IGSF11: variants seen among roughly 807,000 people sequenced by gnomAD.
IGSF11 encodes CXADR like 1.
A neutral mutation model predicts 41.0 loss-of-function variants in IGSF11; 22 were observed. That is an observed-to-expected ratio of 0.54 (90% CI 0.38 to 0.77). The LOEUF (loss-of-function observed/expected upper bound fraction) is 0.77, where lower values mean the gene tolerates loss of function less well. Among genes scored for constraint, IGSF11 ranks in the 30% least tolerant of loss-of-function variants. The pLI, the probability that IGSF11 is intolerant of heterozygous loss-of-function variation, is 0.00. For synonymous variants in IGSF11, 219 were observed against 201.3 expected, an observed-to-expected ratio of 1.09 and a Z score of -0.74; for missense variants, 444 against 530.8, an observed-to-expected ratio of 0.84 and a Z score of 1.61.
intron 1 of IGSF11, 136 bp downstream of exon 1, chr3:119,034,395 G>C (rs1940724307): frequency 3.4e-6 from 3 of 880,228 alleles, no homozygotes; most frequent in East Asian, 3.3e-5. Context: ...CCGCAGCAAC[G>C]AACGCCGCCC....
intron 1 of IGSF11, among the ~76,000 whole-genome samples, chr3:119,135,085 G>T (rs1468522407): frequency 6.6e-6 from 1 of 152,184 alleles, no homozygotes; most frequent in Non-Finnish European, 1.5e-5. Flanking sequence ...AGACTTAAAT[G>T]TAAGATCTAA....
chr3:119,052,121 C>G (rs145913346), intron 1 of IGSF11, among the ~76,000 whole-genome samples: 2,098 of 152,026 alleles, frequency 0.014, 37 homozygotes, highest in African/African-American at 0.048. Context: ...AAAGAAATAA[C>G]AAATATCAGA....
intron 1 of IGSF11, among the ~76,000 whole-genome samples, chr3:119,017,039 C>CAAAAAAAAAAAAAAAAAAAAAAAAAAA: frequency 2.3e-5 from 2 of 88,320 alleles, no homozygotes; most frequent in Non-Finnish European, 5.0e-5. Flanking sequence ...GGACGCAGGA[C>CAAAAAAAAAAAAAAAAAAAAAAAAAAA]AAAAAAAAAA....
chr3:119,119,288 A>G (rs1249659795), intron 1 of IGSF11, among the ~76,000 whole-genome samples: 1 of 152,210 alleles, frequency 6.6e-6, no homozygotes, highest in Admixed American at 6.5e-5. Context: ...GGGAAGCCTC[A>G]CAATCATGGA....
At chr3:118,933,801 G>C (rs554065866) in intron 1 of IGSF11, among the ~76,000 whole-genome samples, 1 of 152,200 alleles carries the variant, frequency 6.6e-6, no homozygotes, top group African/African-American at 2.4e-5. Context: ...ACGTAAAGGA[G>C]TTAGAAACTC....
At chr3:119,070,780 T>C (rs1161145754) in intron 1 of IGSF11, among the ~76,000 whole-genome samples, 2 of 152,162 alleles carry the variant, frequency 1.3e-5, no homozygotes, top group African/African-American at 2.4e-5. Context: ...TTTCTCTCCA[T>C]GTCTATACTG....
At chr3:118,955,255 T>C (rs192126525) in intron 1 of IGSF11, among the ~76,000 whole-genome samples, 35 of 120,890 alleles carry the variant, frequency 2.9e-4, no homozygotes, top group East Asian at 4.6e-4. Flanking sequence ...CACACACACA[T>C]ACACACACAC....
In IGSF11 at chr3:119,117,197, CA is replaced by C. The variant is rs759966280; in HGVS notation, c.-13-11993del. ...GGTCAAAACACAAACTGGAAGTTAT[CA>C]AAAAAAAAAAAACTACTCAATCTTG... is the stretch of plus-strand genomic sequence containing the variant. On this transcript the variant is annotated intron_variant, in intron 1 of 7. Transcript: ENST00000425327. 1.5e-3 allele frequency among the ~76,000 whole-genome samples: 205 copies of C among 135,422 alleles called. 1 individual carries two copies. Among genetic ancestry groups the C allele is most frequent in the Non-Finnish European group, 2.3e-3 (143 of 62,222 alleles). 88.8% of individuals were successfully genotyped at this position (135,422 alleles called of 152,430 possible). A position where few individuals can be genotyped will look rare whatever the true frequency, so the allele number is the denominator to read the frequency against.
intron 1 of IGSF11, among the ~76,000 whole-genome samples, chr3:119,004,769 G>A (rs1041228824): frequency 8.7e-5 from 13 of 150,156 alleles, no homozygotes; most frequent in East Asian, 3.9e-4. Flanking sequence ...GTAGTTGAGC[G>A]GCTTTGAGTG....
chr3:119,113,576 C>T (rs1037063184), intron 1 of IGSF11, among the ~76,000 whole-genome samples: 1 of 152,234 alleles, frequency 6.6e-6, no homozygotes, highest in African/African-American at 2.4e-5. Context: ...GGCAGCTCCA[C>T]CCCTGTGGCT....
chr3:119,112,795 A>C (rs2077199505), intron 1 of IGSF11: 1 of 152,266 alleles, frequency 6.6e-6, no homozygotes, highest in Non-Finnish European at 1.5e-5. Context: ...ATGAACACAT[A>C]GTGTATTAGT....
chr3:119,117,434 C>A (rs1411563674), intron 1 of IGSF11, among the ~76,000 whole-genome samples: 2 of 152,144 alleles, frequency 1.3e-5, no homozygotes, highest in East Asian at 1.9e-4. Flanking sequence ...CAGGGAAACA[C>A]CTCTTTTTAA....
chr3:118,905,804 G>C (rs954889567), intron 4 of IGSF11, 86 bp from the exon 5 acceptor site: 26 of 1,429,764 alleles, frequency 1.8e-5, no homozygotes, highest in Non-Finnish European at 2.4e-5. Context: ...AAAAACAGAC[G>C]AACACTGGAG....
intron 1 of IGSF11, among the ~76,000 whole-genome samples, chr3:118,943,457 C>T (rs989320580): frequency 6.6e-6 from 1 of 152,088 alleles, no homozygotes; most frequent in Admixed American, 6.6e-5. Context: ...AGGGAATGGG[C>T]AGAGAAAACT....
chr3:119,130,243 C>A (rs945882138), intron 1 of IGSF11, among the ~76,000 whole-genome samples: 1 of 152,184 alleles, frequency 6.6e-6, no homozygotes, highest in Non-Finnish European at 1.5e-5. Flanking sequence ...TGAGCCAAAG[C>A]AGGGCAGGGC....
intron 1 of IGSF11, chr3:119,013,152 T>C (rs1938325725): frequency 6.6e-6 from 1 of 152,268 alleles, no homozygotes; most frequent in African/African-American, 2.4e-5. Context: ...TGAACTTCTA[T>C]GGAGTTCTAT....
chr3:119,125,313 G>C (rs2077389203), intron 1 of IGSF11, among the ~76,000 whole-genome samples: 1 of 152,196 alleles, frequency 6.6e-6, no homozygotes, highest in Non-Finnish European at 1.5e-5. Context: ...AGCAGACTTA[G>C]TGTGAGAAAC....
chr3:119,104,114 C>T (rs2076981795), intron 1 of IGSF11, among the ~76,000 whole-genome samples: 1 of 152,142 alleles, frequency 6.6e-6, no homozygotes, highest in Non-Finnish European at 1.5e-5. Context: ...ATAAGGTCAT[C>T]TTAGTCGCCC....
At chr3:119,013,917 A>G (rs146837963) in intron 1 of IGSF11, among the ~76,000 whole-genome samples, 27 of 152,370 alleles carry the variant, frequency 1.8e-4, no homozygotes, top group Admixed American at 2.6e-4. Context: ...CAGATACGAT[A>G]TACATCTCAA....
Sources: gnomAD v4.1 joint callset for allele counts (sites outside exome capture counted in the v4.1 genomes callset) on GRCh38, gnomAD v4.1.1 for gene constraint, MANE v1.5 for transcripts, NCBI Gene and HGNC (gene_info 2026-07-23, HGNC 2026-07-21) for gene names.